The following SMARCA5 variants were observed in gnomAD, a reference collection of about 807,000 sequenced individuals.
The protein encoded by SMARCA5 is SNF2 related chromatin remodeling ATPase 5, also known as SWI/SNF-related matrix-associated actin-dependent regulator of chromatin subfamily A member 5.
Under a neutral mutation model 140.4 loss-of-function variants are expected in SMARCA5, and 18 were observed. The observed-to-expected ratio is 0.13, with a 90% CI of 0.09 to 0.19. The LOEUF is 0.19. Ranked by LOEUF, SMARCA5 falls within the 10% of genes least tolerant of loss-of-function variation. The pLI is 1.00. For synonymous variants in SMARCA5, 449 were observed against 419.6 expected, an observed-to-expected ratio of 1.07 and a Z score of -0.86; for missense variants, 606 against 1,276.8, an observed-to-expected ratio of 0.47 and a Z score of 8.01.
intron 17 of SMARCA5, among the ~76,000 whole-genome samples, chr4:143,545,065 T>TC (rs1420607558): frequency 2.0e-5 from 3 of 151,270 alleles, no homozygotes; most frequent in African/African-American, 7.3e-5. Context: ...GCCTCACCCT[T>TC]CCGAGTAGCT....
rs144073296 is a variant in SMARCA5 at position 143,525,641 on chromosome 4, A to G, written c.621+90A>G. The G allele has an allele frequency of 4.7e-6, 4 of 843,114 alleles. No individual in the cohort carries two copies. In the East Asian group the frequency reaches 7.4e-5, roughly 16 times the overall value. 52.2% of individuals were successfully genotyped at this position (843,114 alleles called of 1,614,324 possible). ...AAGTTTCTTACAGTCTACAACTGTT[A>G]GCAAATGGATCCTCTCAGAAACTAG... On this transcript the variant is annotated intron_variant, in intron 5 of 23. Coordinates refer to ENST00000283131, the MANE Select transcript of SMARCA5 (RefSeq NM_003601.4).
chr4:143,548,160 T>A lies in SMARCA5; in HGVS notation c.2985+20T>A, dbSNP rs774563532. On this transcript the variant is annotated intron_variant, in intron 22 of 23. Coordinates refer to ENST00000283131, the MANE Select transcript of SMARCA5 (RefSeq NM_003601.4). ...GCAATGGTGAGTGCTCAGGGCTTTT[T>A]TGTGTAATGTAGCAGAGTTCAGAGT... is the stretch of plus-strand genomic sequence containing the variant. 6.2e-6 allele frequency: 9 copies of A among 1,462,098 alleles called. No homozygotes were observed. The African/African-American group carries it at 1.1e-4, about 18-fold the overall frequency. The allele number at this position is 1,462,098 out of a possible 1,614,324, so 90.6% of individuals were successfully genotyped here.
intron 23 of SMARCA5, 103 bp downstream of exon 23, chr4:143,550,207 A>T: frequency 2.1e-6 from 1 of 472,906 alleles, no homozygotes; most frequent in Non-Finnish European, 3.6e-6. Context: ...CCTGTTGTGC[A>T]CCCCTCCATT....
intron 9 of SMARCA5, 119 bp from the exon 10 acceptor site, chr4:143,534,736 C>T (rs1737268843): frequency 1.6e-6 from 1 of 640,308 alleles, no homozygotes; most frequent in African/African-American, 1.9e-5. Context: ...CCTAAGAAAT[C>T]ACTTGATACT....
intron 2 of SMARCA5, among the ~76,000 whole-genome samples, chr4:143,519,676 G>C (rs1736915743): frequency 6.6e-6 from 1 of 152,060 alleles, no homozygotes; most frequent in South Asian, 2.1e-4. Flanking sequence ...TCTAACCATA[G>C]ATAAGTTCAC....
At chr4:143,514,163 C>G in intron 1 of SMARCA5, 62 bp downstream of exon 1, 2 of 1,407,526 alleles carry the variant, frequency 1.4e-6, no homozygotes, top group Non-Finnish European at 1.9e-6. Context: ...GCTCCCTCGC[C>G]GGATCGTGGC....
rs144975687 is a variant in SMARCA5 at position 143,543,148 on chromosome 4, A to C, written c.1904-361A>C. Among the ~76,000 whole-genome samples the C allele has an allele frequency of 7.7e-3, 1,165 of 152,196 alleles. 22 individuals carry two copies. Among genetic ancestry groups the C allele is most frequent in the African/African-American group, 0.027 (1,117 of 41,450 alleles). On this transcript the variant is annotated intron_variant, in intron 14 of 23. Transcript: ENST00000283131. ...AAGCTGATTTGGGGAGTATTAGTTAATAACACCTTTCTGCTCATCAGAAAC... is the reference window on the plus strand; with the variant it reads ...AAGCTGATTTGGGGAGTATTAGTTACTAACACCTTTCTGCTCATCAGAAAC...
intron 14 of SMARCA5, among the ~76,000 whole-genome samples, chr4:143,541,572 C>T (rs754529568): frequency 6.6e-6 from 1 of 152,148 alleles, no homozygotes; most frequent in Non-Finnish European, 1.5e-5. Context: ...CTCCTTTAGT[C>T]TTCATGCCAA....
Position 143,554,871 on chromosome 4 carries a change from G to A in SMARCA5, c.*1687G>A, listed in dbSNP as rs1737715768. ...TGGGAGGGAGATACACAGTGGAAAT[G>A]CAAAATGAATCAAGTATAGTGGTAG... On this transcript the variant is annotated 3_prime_UTR_variant, in exon 24 of 24. Transcript: ENST00000283131. 4 of 226,150 alleles carry A rather than the reference G, an allele frequency of 1.8e-5. No individual in the cohort carries two copies. In the South Asian group the frequency reaches 1.9e-4, roughly 11 times the overall value. 14.0% of individuals were successfully genotyped at this position (226,150 alleles called of 1,614,324 possible).
intron 2 of SMARCA5, among the ~76,000 whole-genome samples, chr4:143,518,043 A>G (rs1350734788): frequency 6.6e-6 from 1 of 152,216 alleles, no homozygotes; most frequent in Non-Finnish European, 1.5e-5. Flanking sequence ...GGTGAAGACC[A>G]GAATAGTTAC....
At chr4:143,527,780 T>C in intron 6 of SMARCA5, 88 bp from the exon 7 acceptor site, 1 of 1,147,650 alleles carries the variant, frequency 8.7e-7, no homozygotes, top group Non-Finnish European at 1.2e-6. Context: ...TATTCCCACC[T>C]CTTTTTATAT....
intron 3 of SMARCA5, among the ~76,000 whole-genome samples, chr4:143,523,460 A>G (rs76079232): frequency 0.01 from 1,556 of 152,348 alleles, 37 homozygotes; most frequent in African/African-American, 0.035. Context: ...TTTTATAAAA[A>G]GAATTTAAAA....
chr4:143,530,390 A>G (rs1737160941), intron 8 of SMARCA5, 68 bp from the exon 9 acceptor site: 2 of 943,400 alleles, frequency 2.1e-6, no homozygotes, highest in African/African-American at 1.7e-5. Flanking sequence ...TCATTTCTAT[A>G]TCTGGTATTA....
At chr4:143,539,478 C>G (rs1737385124) in intron 13 of SMARCA5, among the ~76,000 whole-genome samples, 1 of 151,708 alleles carries the variant, frequency 6.6e-6, no homozygotes, top group Admixed American at 6.6e-5. Context: ...TGCAGATTGG[C>G]CTGACCCATG....
At chr4:143,521,197 G>A (rs907970209) in intron 2 of SMARCA5, among the ~76,000 whole-genome samples, 4 of 152,058 alleles carry the variant, frequency 2.6e-5, no homozygotes, top group African/African-American at 9.7e-5. Context: ...CTTCTGATCT[G>A]CTTTCTATCA....
chr4:143,551,028 AG>A (rs1737630792), intron 23 of SMARCA5, among the ~76,000 whole-genome samples: 1 of 152,110 alleles, frequency 6.6e-6, no homozygotes, highest in Admixed American at 6.5e-5. Flanking sequence ...TCCCACCAAA[AG>A]TGTATGAGGG....
chr4:143,545,459 T>C lies in SMARCA5; in HGVS notation c.2284-11T>C. The C allele has an allele frequency of 6.4e-7, 1 of 1,573,014 alleles. No homozygotes were observed. The highest frequency in any genetic ancestry group is 1.1e-5 in the South Asian group (1 of 89,386). On this transcript the variant is annotated splice_polypyrimidine_tract_variant and intron_variant, in intron 17 of 23. Transcript: ENST00000283131. ...TTTTTATGGATAACACTTATTTTTGTTTTTCTTTAGGCTCCTCGACCTCCA... is the reference window on the plus strand; with the variant it reads ...TTTTTATGGATAACACTTATTTTTGCTTTTCTTTAGGCTCCTCGACCTCCA...
intron 14 of SMARCA5, among the ~76,000 whole-genome samples, chr4:143,543,271 A>T (rs1283608743): frequency 1.3e-5 from 2 of 152,214 alleles, no homozygotes; most frequent in Non-Finnish European, 2.9e-5. Context: ...GGCACAGTAT[A>T]CAGCAGGTTT....
intron 22 of SMARCA5, among the ~76,000 whole-genome samples, chr4:143,548,776 T>C (rs1737579733): frequency 6.6e-6 from 1 of 152,116 alleles, no homozygotes; most frequent in Non-Finnish European, 1.5e-5. Flanking sequence ...AGTTCTTTAG[T>C]CTTAAGTTTG....
Sources: gnomAD v4.1 joint callset for allele counts (sites outside exome capture counted in the v4.1 genomes callset) on GRCh38, gnomAD v4.1.1 for gene constraint, MANE v1.5 for transcripts, NCBI Gene and HGNC (gene_info 2026-07-23, HGNC 2026-07-21) for gene names.